SORCS1: variants seen among roughly 807,000 people sequenced by gnomAD.
The protein encoded by SORCS1 is VPS10 domain-containing receptor SorCS1.
A neutral mutation model predicts 146.1 loss-of-function variants in SORCS1; 60 were observed. The observed-to-expected ratio is 0.41, with a 90% CI of 0.33 to 0.51. The LOEUF (loss-of-function observed/expected upper bound fraction) is 0.51. SORCS1 is among the 20% of genes least tolerant of loss of function. SORCS1 has a pLI of 0.21. For synonymous variants in SORCS1, 637 were observed against 584.0 expected, an observed-to-expected ratio of 1.09 and a Z score of -1.31; for missense variants, 1,352 against 1,487.6, an observed-to-expected ratio of 0.91 and a Z score of 1.50.
chr10:107,039,272 G>A (rs1366971220), intron 1 of SORCS1, among the ~76,000 whole-genome samples: 1 of 147,638 alleles, frequency 6.8e-6, no homozygotes, highest in Admixed American at 6.9e-5. Context: ...AGTTTGCAGT[G>A]AGCGTAGATC....
At position 107,086,205 on chromosome 10, in the gene SORCS1, G is replaced by T. The variant is rs557238667; in HGVS notation, c.558+77764C>A. Among the ~76,000 whole-genome samples, 10 of 152,196 alleles carry T rather than the reference G, an allele frequency of 6.6e-5. No homozygotes were observed. The South Asian group carries it at 2.1e-3, about 32-fold the overall frequency. ...ATTCAAACAGAAGTCCTAATCCATT[G>T]TATATTATAGTAAAACCCAGCCAAG... On this transcript the variant is annotated intron_variant, in intron 1 of 25. Coordinates refer to ENST00000263054, the MANE Select transcript of SORCS1 (RefSeq NM_052918.5).
chr10:106,639,584 T>G (rs1848934324), intron 18 of SORCS1, among the ~76,000 whole-genome samples: 1 of 152,094 alleles, frequency 6.6e-6, no homozygotes, highest in African/African-American at 2.4e-5. Context: ...CCTGCCTCAT[T>G]TCCTTCAACA....
intron 2 of SORCS1, among the ~76,000 whole-genome samples, chr10:106,849,852 G>A (rs1187423220): frequency 6.6e-6 from 1 of 152,076 alleles, no homozygotes; most frequent in African/African-American, 2.4e-5. Context: ...GCCCTGTGAG[G>A]TGTCAGTGTG....
chr10:107,032,841 C>CCT (rs1260074025), intron 1 of SORCS1, among the ~76,000 whole-genome samples: 1 of 152,128 alleles, frequency 6.6e-6, no homozygotes, highest in Non-Finnish European at 1.5e-5. Flanking sequence ...TACATGATAC[C>CCT]CTCACACTTA....
chr10:107,124,783 G>A (rs572106378), intron 1 of SORCS1, among the ~76,000 whole-genome samples: 4 of 152,136 alleles, frequency 2.6e-5, no homozygotes, highest in Non-Finnish European at 2.9e-5. Context: ...AAGCAACCGT[G>A]TATGAAACGT....
At chr10:106,806,505 CTTTTTTT>C (rs1191296212) in intron 3 of SORCS1, among the ~76,000 whole-genome samples, 1 of 70,468 alleles carries the variant, frequency 1.4e-5, no homozygotes, top group Admixed American at 1.5e-4. Flanking sequence ...GAGAGGAAGC[CTTTTTTT>C]TTTTTTTTTT....
At chr10:106,679,194 C>A (rs960956468) in intron 12 of SORCS1, 62 bp downstream of exon 12, 23 of 1,373,238 alleles carry the variant, frequency 1.7e-5, no homozygotes, top group Non-Finnish European at 2.2e-5. Flanking sequence ...CAGATTTGAA[C>A]CAAGCTGGGC....
At chr10:107,069,974 C>T (rs965388358) in intron 1 of SORCS1, among the ~76,000 whole-genome samples, 1 of 152,184 alleles carries the variant, frequency 6.6e-6, no homozygotes, top group African/African-American at 2.4e-5. Context: ...AGTAACTTCC[C>T]ACTGTCCTAA....
At chr10:106,720,285 A>C (rs529257123) in intron 6 of SORCS1, among the ~76,000 whole-genome samples, 50 of 152,280 alleles carry the variant, frequency 3.3e-4, no homozygotes, top group African/African-American at 1.2e-3. Flanking sequence ...TGAATGAATA[A>C]TAGGTCCAGA....
chr10:106,930,756 G>C (rs1045125669), intron 2 of SORCS1, among the ~76,000 whole-genome samples: 16 of 152,034 alleles, frequency 1.1e-4, no homozygotes, highest in South Asian at 2.1e-4. Flanking sequence ...AATATGGTTA[G>C]TCAGATAAGG....
chr10:107,149,918 C>T (rs867973543), intron 1 of SORCS1, among the ~76,000 whole-genome samples: 1 of 152,164 alleles, frequency 6.6e-6, no homozygotes, highest in African/African-American at 2.4e-5. Flanking sequence ...TCTCCTACCC[C>T]GCCCTATTCT....
At chr10:107,063,230 G>A (rs1340745660) in intron 1 of SORCS1, among the ~76,000 whole-genome samples, 3 of 152,146 alleles carry the variant, frequency 2.0e-5, no homozygotes, top group South Asian at 2.1e-4. Context: ...TCTGATTAGT[G>A]GAATATGGGA....
intron 4 of SORCS1, among the ~76,000 whole-genome samples, chr10:106,762,386 C>CTTTTTTTTTTTTTT (rs869195563): frequency 1.9e-3 from 141 of 73,820 alleles, no homozygotes; most frequent in African/African-American, 3.0e-3. Flanking sequence ...TTTTATTATT[C>CTTTTTTTTTTTTTT]TTTTTTTTTT....
intron 1 of SORCS1, among the ~76,000 whole-genome samples, chr10:107,114,248 G>A (rs1334786463): frequency 6.6e-6 from 1 of 152,066 alleles, no homozygotes; most frequent in Non-Finnish European, 1.5e-5. Flanking sequence ...AATTAAAGAG[G>A]AGAGGACATC....
chr10:107,057,507 CA>C (rs1454972762), intron 1 of SORCS1, among the ~76,000 whole-genome samples: 1 of 152,164 alleles, frequency 6.6e-6, no homozygotes, highest in African/African-American at 2.4e-5. Flanking sequence ...CAATTGCATT[CA>C]ACTCCAAACC....
chr10:106,955,356 C>A (rs1024442033), intron 2 of SORCS1, among the ~76,000 whole-genome samples: 3 of 152,244 alleles, frequency 2.0e-5, no homozygotes, highest in African/African-American at 7.2e-5. Context: ...AGAGCCAATG[C>A]TGGAGCTGCC....
At chr10:106,894,250 T>TGC (rs1047219117) in intron 2 of SORCS1, among the ~76,000 whole-genome samples, 10 of 147,690 alleles carry the variant, frequency 6.8e-5, no homozygotes, top group South Asian at 2.2e-4. Flanking sequence ...TGTGTGTGTG[T>TGC]GTGCGCGCGC....
chr10:107,161,084 C>A (rs1337728405), intron 1 of SORCS1, among the ~76,000 whole-genome samples: 1 of 152,156 alleles, frequency 6.6e-6, no homozygotes, highest in Non-Finnish European at 1.5e-5. Context: ...TCACATCACA[C>A]CCACAGACGA....
chr10:106,829,929 G>C (rs867044051), intron 2 of SORCS1, among the ~76,000 whole-genome samples: 11 of 152,162 alleles, frequency 7.2e-5, no homozygotes, highest in Admixed American at 3.3e-4. Flanking sequence ...AAAGAATGTG[G>C]TTAATTTAAA....
Sources: gnomAD v4.1 joint callset for allele counts (sites outside exome capture counted in the v4.1 genomes callset) on GRCh38, gnomAD v4.1.1 for gene constraint, MANE v1.5 for transcripts, NCBI Gene and HGNC (gene_info 2026-07-23, HGNC 2026-07-21) for gene names.